PAMR1: variants seen among roughly 807,000 people sequenced by gnomAD.
PAMR1 encodes peptidase domain containing associated with muscle regeneration 1.
PAMR1 carries 88 observed loss-of-function variants against 81.8 expected under a neutral mutation model. The observed-to-expected ratio is 1.08, with a 90% CI of 0.91 to 1.28. PAMR1 has a LOEUF of 1.28. Ranked by LOEUF, PAMR1 falls within the 50% of genes most tolerant of loss-of-function variation. The pLI is 0.00. For synonymous variants in PAMR1, 336 were observed against 345.3 expected, an observed-to-expected ratio of 0.97 and a Z score of 0.30; for missense variants, 935 against 919.7, an observed-to-expected ratio of 1.02 and a Z score of -0.21.
chr11:35,481,508 T>TTTTGTTTG (rs58551047), intron 3 of PAMR1, among the ~76,000 whole-genome samples: 2,692 of 151,044 alleles, frequency 0.018, 84 homozygotes, highest in African/African-American at 0.062. Flanking sequence ...TGTCTTCTTG[T>TTTTGTTTG]TTTGTTTGTT....
At chr11:35,463,555 T>C (rs1249571999) in intron 6 of PAMR1, among the ~76,000 whole-genome samples, 1 of 152,204 alleles carries the variant, frequency 6.6e-6, no homozygotes, top group Non-Finnish European at 1.5e-5. Context: ...TTGTGTTCCA[T>C]ACAAAGAAAC....
intron 6 of PAMR1, among the ~76,000 whole-genome samples, chr11:35,455,725 T>C (rs578127697): frequency 6.6e-6 from 1 of 152,284 alleles, no homozygotes; most frequent in Non-Finnish European, 1.5e-5. Context: ...CTTCACACAT[T>C]TAATGAGTGC....
At chr11:35,517,349 T>C (rs1036357021) in intron 1 of PAMR1, among the ~76,000 whole-genome samples, 1 of 152,230 alleles carries the variant, frequency 6.6e-6, no homozygotes, top group African/African-American at 2.4e-5. Context: ...TTCCTACTCA[T>C]ACCTCAGCAA....
chr11:35,522,412 G>T (rs376982779), intron 1 of PAMR1, among the ~76,000 whole-genome samples: 3 of 152,116 alleles, frequency 2.0e-5, no homozygotes, highest in Non-Finnish European at 4.4e-5. Flanking sequence ...ACATGAATTT[G>T]ACTATTCTAA....
intron 1 of PAMR1, among the ~76,000 whole-genome samples, chr11:35,503,903 T>A (rs1023268248): frequency 7.9e-5 from 12 of 152,152 alleles, no homozygotes; most frequent in Non-Finnish European, 4.4e-5. Flanking sequence ...CCCAGTATTA[T>A]AATGAATAAT....
intron 5 of PAMR1, among the ~76,000 whole-genome samples, chr11:35,469,356 T>C (rs1334102810): frequency 6.6e-6 from 1 of 152,218 alleles, no homozygotes; most frequent in Non-Finnish European, 1.5e-5. Flanking sequence ...CAAGACATTC[T>C]CCTGACCGTC....
intron 3 of PAMR1, among the ~76,000 whole-genome samples, chr11:35,488,197 C>CTTTTTTTTTTTTTTTTTT (rs35884320): frequency 1.1e-5 from 1 of 88,030 alleles, no homozygotes; most frequent in Non-Finnish European, 2.2e-5. Context: ...CCTTTCCCAT[C>CTTTTTTTTTTTTTTTTTT]TTTTTTTTTT....
intron 3 of PAMR1, among the ~76,000 whole-genome samples, chr11:35,489,005 A>G (rs182084633): frequency 6.7e-6 from 1 of 150,170 alleles, no homozygotes; most frequent in Admixed American, 6.6e-5. Context: ...CCAGAACCCT[A>G]CTCCTTCCTG....
intron 3 of PAMR1, among the ~76,000 whole-genome samples, chr11:35,481,570 T>G (rs1439495693): frequency 6.6e-6 from 1 of 152,286 alleles, no homozygotes; most frequent in South Asian, 2.1e-4. Context: ...TTGCCCAGGC[T>G]GGAGTGCAGT....
At chr11:35,471,525 A>T (rs1368822501) in intron 4 of PAMR1, among the ~76,000 whole-genome samples, 1 of 152,130 alleles carries the variant, frequency 6.6e-6, no homozygotes, top group Non-Finnish European at 1.5e-5. Context: ...AACAAAAAAA[A>T]CCTCTGCACA....
intron 6 of PAMR1, among the ~76,000 whole-genome samples, chr11:35,442,137 G>A (rs941200580): frequency 6.6e-5 from 10 of 152,232 alleles, no homozygotes; most frequent in African/African-American, 2.4e-4. Flanking sequence ...TACCCAGAAA[G>A]TAGAGCTGCT....
At chr11:35,448,249 C>T (rs7944997) in intron 6 of PAMR1, among the ~76,000 whole-genome samples, 55,596 of 151,964 alleles carry the variant, frequency 0.37, 10,524 homozygotes, top group African/African-American at 0.46. Context: ...TCTAGCATGG[C>T]TCCATTCTCC....
intron 6 of PAMR1, among the ~76,000 whole-genome samples, chr11:35,454,552 C>G (rs1165253970): frequency 6.6e-6 from 1 of 152,124 alleles, no homozygotes; most frequent in East Asian, 1.9e-4. Context: ...TTTGATAAAT[C>G]AGTTGGACCC....
intron 1 of PAMR1, among the ~76,000 whole-genome samples, chr11:35,524,476 T>G (rs1309845360): frequency 6.6e-6 from 1 of 152,200 alleles, no homozygotes; most frequent in African/African-American, 2.4e-5. Context: ...CGACCTGGCC[T>G]GTTTCATTCT....
rs547174159 is a variant in PAMR1, at chr11:35,476,898, C to T, written c.380-2154G>A. On this transcript the variant is annotated intron_variant, in intron 3 of 10. Transcript: ENST00000619888. ...CACAGCCTACTTTCTGTGCCCAACT[C>T]CGGCCCTTGTACTTGCTGTTTTCTA... 4.6e-5 allele frequency among the ~76,000 whole-genome samples: 7 copies of T among 152,094 alleles called. 1 individual carries two copies. The South Asian group carries it at 1.5e-3, about 32-fold the overall frequency.
chr11:35,489,422 C>G (rs1850575534), intron 3 of PAMR1, among the ~76,000 whole-genome samples: 1 of 152,224 alleles, frequency 6.6e-6, no homozygotes, highest in African/African-American at 2.4e-5. Context: ...TCTTCTCACT[C>G]TAGTCTCCCT....
At position 35,506,434 on chromosome 11, in the gene PAMR1, GTT is replaced by G. The variant is rs71457379; in HGVS notation, c.74-12164_74-12163del. Among the ~76,000 whole-genome samples the G allele has an allele frequency of 6.4e-3, 755 of 117,208 alleles. 8 individuals carry two copies. The highest frequency in any genetic ancestry group is 0.024 in the African/African-American group (710 of 29,988). 76.9% of individuals were successfully genotyped at this position (117,208 alleles called of 152,430 possible). A position where few individuals can be genotyped will look rare whatever the true frequency, so the allele number is the denominator to read the frequency against. On this transcript the variant is annotated intron_variant, in intron 1 of 10. Transcript: ENST00000619888. ...TAGTGTTTTTTTTTTGTTTTTTGGT[GTT>G]TTTTTTTTTCAGATTAACTAACTTC...
intron 10 of PAMR1, among the ~76,000 whole-genome samples, chr11:35,434,273 A>T (rs1007811823): frequency 6.6e-6 from 1 of 152,114 alleles, no homozygotes; most frequent in Non-Finnish European, 1.5e-5. Context: ...GACCACAGTG[A>T]TAGATGCCTT....
intron 6 of PAMR1, among the ~76,000 whole-genome samples, chr11:35,466,705 C>T (rs1339090119): frequency 5.0e-5 from 6 of 119,820 alleles, no homozygotes; most frequent in South Asian, 5.3e-4. Context: ...CTAGCCTGGG[C>T]GACAGAGAGA....
Sources: allele counts gnomAD v4.1 joint callset (sites outside exome capture counted in the v4.1 genomes callset), GRCh38; gene constraint gnomAD v4.1.1; transcripts MANE v1.5; gene names NCBI Gene and HGNC (gene_info 2026-07-23, HGNC 2026-07-21).